HYCC1: variants seen among roughly 807,000 people sequenced by gnomAD.
HYCC1 encodes the protein hyccin.
the HYCC1 span, among the ~76,000 whole-genome samples, chr7:22,972,796 C>T: frequency 8.5e-5 from 13 of 152,284 alleles, no homozygotes; most frequent in East Asian, 2.5e-3. Flanking sequence ...TCAAGCTGGC[C>T]ATCAATCAGT....
chr7:22,994,951 G>A, the HYCC1 span, among the ~76,000 whole-genome samples: 125 of 152,194 alleles, frequency 8.2e-4, no homozygotes, highest in Non-Finnish European at 1.5e-3. Flanking sequence ...CTGGAAGGAC[G>A]ATATACTTCC....
the HYCC1 span, among the ~76,000 whole-genome samples, chr7:22,992,678 A>G: frequency 6.6e-6 from 1 of 152,082 alleles, no homozygotes; most frequent in South Asian, 2.1e-4. Flanking sequence ...TTATGTTGTT[A>G]TGTATATTTG....
chr7:22,977,576 C>T, the HYCC1 span, among the ~76,000 whole-genome samples: 3 of 152,238 alleles, frequency 2.0e-5, no homozygotes, highest in South Asian at 6.2e-4. Context: ...CATTATTATT[C>T]ATCAACACCG....
chr7:22,917,738 T>G, the HYCC1 span, among the ~76,000 whole-genome samples: 1 of 152,232 alleles, frequency 6.6e-6, no homozygotes. Flanking sequence ...GCTCTTGGTA[T>G]TCAGTGGCTC....
chr7:22,964,298 C>G, the HYCC1 span: 38 of 700,280 alleles, frequency 5.4e-5, 1 homozygote, highest in South Asian at 6.1e-4. Flanking sequence ...CTTCATATTT[C>G]ACAAAAAGTA....
the HYCC1 span, among the ~76,000 whole-genome samples, chr7:22,898,817 G>A: frequency 7.3e-5 from 11 of 151,710 alleles, no homozygotes; most frequent in Admixed American, 3.3e-4. Flanking sequence ...TGGCCAGGCC[G>A]GTCTCAAACT....
chr7:22,948,107 A>G, the HYCC1 span, among the ~76,000 whole-genome samples: 3 of 152,218 alleles, frequency 2.0e-5, no homozygotes, highest in Admixed American at 2.0e-4. Context: ...TTAAATAAGA[A>G]AGGCATAATG....
the HYCC1 span, among the ~76,000 whole-genome samples, chr7:22,996,903 T>C: frequency 1.3e-5 from 2 of 152,170 alleles, no homozygotes; most frequent in Admixed American, 1.3e-4. Context: ...AAAATATACT[T>C]GCATTTGTAA....
At chr7:23,005,571 T>C in the HYCC1 span, among the ~76,000 whole-genome samples, 1 of 152,224 alleles carries the variant, frequency 6.6e-6, no homozygotes, top group African/African-American at 2.4e-5. Context: ...AGTAGCTTAA[T>C]CTACTACCAG....
the HYCC1 span, chr7:22,941,939 T>A: frequency 2.6e-5 from 4 of 152,026 alleles, no homozygotes; most frequent in African/African-American, 9.6e-5. Context: ...TTTTTCTTTT[T>A]AAGTGGTTTT....
At chr7:22,981,854 ATT>A in the HYCC1 span, among the ~76,000 whole-genome samples, 6 of 152,156 alleles carry the variant, frequency 3.9e-5, no homozygotes, top group African/African-American at 1.4e-4. Flanking sequence ...AGATACACAT[ATT>A]TGTCTGTGAC....
At chr7:22,989,825 G>A in the HYCC1 span, among the ~76,000 whole-genome samples, 1 of 152,150 alleles carries the variant, frequency 6.6e-6, no homozygotes, top group African/African-American at 2.4e-5. Context: ...GATAAGGCCA[G>A]CTATTAAAAT....
chr7:22,930,895 C>T, the HYCC1 span, among the ~76,000 whole-genome samples: 1 of 152,046 alleles, frequency 6.6e-6, no homozygotes, highest in East Asian at 1.9e-4. Context: ...ACATGTTCGT[C>T]TCAATACTTA....
the HYCC1 span, chr7:22,976,254 G>A: frequency 1.6e-4 from 255 of 1,613,300 alleles, 1 homozygote; most frequent in African/African-American, 2.9e-3. Context: ...CACTGGGCAT[G>A]TAAGTTAAGG....
chr7:22,917,079 G>A, the HYCC1 span, among the ~76,000 whole-genome samples: 14 of 152,194 alleles, frequency 9.2e-5, no homozygotes, highest in East Asian at 1.9e-4. Flanking sequence ...AGATCCCATC[G>A]CTCAGGGTAA....
chr7:23,003,617 A>C, the HYCC1 span, among the ~76,000 whole-genome samples: 1 of 152,210 alleles, frequency 6.6e-6, no homozygotes, highest in Non-Finnish European at 1.5e-5. Context: ...TTGCATTCTA[A>C]GTGCTTTCCT....
At chr7:22,958,956 C>T in the HYCC1 span, among the ~76,000 whole-genome samples, 2 of 152,220 alleles carry the variant, frequency 1.3e-5, no homozygotes, top group South Asian at 2.1e-4. Flanking sequence ...TCATTGCCTC[C>T]GTGCCTGTTC....
chr7:22,925,948 C>A, the HYCC1 span, among the ~76,000 whole-genome samples: 3 of 152,076 alleles, frequency 2.0e-5, no homozygotes, highest in Non-Finnish European at 4.4e-5. Flanking sequence ...TCGGGTTACC[C>A]ACAAAGGGAA....
the HYCC1 span, among the ~76,000 whole-genome samples, chr7:22,901,221 CAAAAAAAAAAAAA>C: frequency 1.9e-4 from 4 of 21,508 alleles, no homozygotes; most frequent in African/African-American, 9.0e-4. Flanking sequence ...GACCCTGTCT[CAAAAAAAAAAAAA>C]AAAAAAAAAA....
Sources: gnomAD v4.1 joint callset for allele counts (sites outside exome capture counted in the v4.1 genomes callset) on GRCh38, gnomAD v4.1.1 for gene constraint, MANE v1.5 for transcripts, NCBI Gene and HGNC (gene_info 2026-07-23, HGNC 2026-07-21) for gene names.